Variants in LARP4B observed in about 807,000 individuals in gnomAD.
The protein encoded by LARP4B is la-related protein 4B.
LARP4B carries 12 observed loss-of-function variants against 89.8 expected under a neutral mutation model. The observed-to-expected ratio is 0.13, with a 90% CI of 0.09 to 0.22. The LOEUF (loss-of-function observed/expected upper bound fraction) is 0.22, where lower values mean the gene tolerates loss of function less well. LARP4B is among the 10% of genes least tolerant of loss of function. The probability of loss-of-function intolerance (pLI) is 1.00; values close to 1 mark genes in which losing one functional copy is unlikely to be tolerated. For missense variants in LARP4B, 757 were observed against 947.7 expected (o/e 0.80, Z 2.64); for synonymous variants, 367 against 363.3 (o/e 1.01, Z -0.12).
At chr10:813,335 G>GT in intron 17 of LARP4B, 122 bp from the exon 18 acceptor site, 2 of 971,682 alleles carry the variant, frequency 2.1e-6, no homozygotes, top group Non-Finnish European at 3.0e-6. Flanking sequence ...CTTCACTAGT[G>GT]TTTTTAACTT....
intron 1 of LARP4B, among the ~76,000 whole-genome samples, chr10:915,271 C>A (rs1251503499): frequency 6.6e-6 from 1 of 152,036 alleles, no homozygotes; most frequent in Non-Finnish European, 1.5e-5. Context: ...GGCAACAGAG[C>A]AGACCCTGTC....
At chr10:988,311 C>G in the LARP4B span, 2 of 629,148 alleles carry the variant, frequency 3.2e-6, no homozygotes, top group Non-Finnish European at 2.9e-6. Flanking sequence ...GACCTCCAAG[C>G]CGGGCGGGTG....
intron 1 of LARP4B, among the ~76,000 whole-genome samples, chr10:916,809 A>C (rs1458542165): frequency 6.6e-6 from 1 of 152,114 alleles, no homozygotes; most frequent in Non-Finnish European, 1.5e-5. Context: ...TGATCCTCCC[A>C]CCTCAGCCTC....
rs775163797 is a variant in LARP4B at position 814,862 on chromosome 10, C to T, written c.1821-12G>A. On this transcript the variant is annotated splice_polypyrimidine_tract_variant and intron_variant, in intron 16 of 17. Coordinates refer to ENST00000316157, the MANE Select transcript of LARP4B (RefSeq NM_015155.3). The surrounding 1 kb of genome is among the most constrained non-coding windows in gnomAD (Gnocchi z 4.4). ...CCACCTTGGGATCACTGTAAAAATG[C>T]CACCCGATATTTGAATCTCATGCAA... 1.6e-5 allele frequency: 25 copies of T among 1,584,500 alleles called. No homozygotes were observed. The highest frequency in any genetic ancestry group is 3.4e-5 in the Admixed American group (2 of 58,420).
chr10:856,312 A>T (rs34847097), intron 5 of LARP4B, among the ~76,000 whole-genome samples: 25,150 of 152,256 alleles, frequency 0.17, 2,240 homozygotes, highest in Non-Finnish European at 0.19. Context: ...ACAAACAGGC[A>T]CAACACCAAA....
At chr10:980,251 T>G in the LARP4B span, among the ~76,000 whole-genome samples, 2 of 152,200 alleles carry the variant, frequency 1.3e-5, no homozygotes, top group African/African-American at 4.8e-5. Flanking sequence ...AGTTGAATGC[T>G]TGTGGCTTTT....
At chr10:878,006 G>C (rs993307018) in intron 3 of LARP4B, among the ~76,000 whole-genome samples, 2 of 152,344 alleles carry the variant, frequency 1.3e-5, no homozygotes, top group Non-Finnish European at 2.9e-5. Flanking sequence ...GGCCGAGACT[G>C]AGAAAGGTAA....
intron 1 of LARP4B, among the ~76,000 whole-genome samples, chr10:927,039 C>CAA (rs780081413): frequency 3.1e-4 from 30 of 98,276 alleles, no homozygotes; most frequent in South Asian, 6.2e-4. Context: ...GACTCGGTCT[C>CAA]AAAAAAAAAA....
chr10:873,556 T>G, intron 3 of LARP4B: 1 of 315,768 alleles, frequency 3.2e-6, no homozygotes, highest in Non-Finnish European at 4.6e-6. Context: ...ATAAAATAGT[T>G]CATAAATTCC....
At chr10:841,045 T>G (rs559235768) in intron 7 of LARP4B, among the ~76,000 whole-genome samples, 3 of 152,278 alleles carry the variant, frequency 2.0e-5, no homozygotes, top group Non-Finnish European at 2.9e-5. Flanking sequence ...GCCCAGCTAC[T>G]TGGGAGGCTG....
Position 814,732 on chromosome 10 carries a change from A to G in LARP4B, c.1929+10T>C. 1 of 1,582,536 alleles carries G rather than the reference A, an allele frequency of 6.3e-7. No homozygotes were observed. The highest frequency in any genetic ancestry group is 8.6e-7 in the Non-Finnish European group (1 of 1,163,726). ...GCTGTCGTGCAGGAAGGCAGGCACGAGGTACGTACCGTGGCGGCTCCGTTC... is the reference window on the plus strand; with the variant it reads ...GCTGTCGTGCAGGAAGGCAGGCACGGGGTACGTACCGTGGCGGCTCCGTTC... On this transcript the variant is annotated intron_variant, in intron 17 of 17. Transcript: ENST00000316157. The surrounding 1 kb of genome is among the most constrained non-coding windows in gnomAD (Gnocchi z 4.4).
At chr10:924,314 C>A (rs1262730196) in intron 1 of LARP4B, 2 of 152,170 alleles carry the variant, frequency 1.3e-5, no homozygotes, top group African/African-American at 4.8e-5. Context: ...TGGCTGGTCT[C>A]ATTTAGACTG....
chr10:869,230 G>C (rs1835068148), intron 3 of LARP4B, among the ~76,000 whole-genome samples: 1 of 152,152 alleles, frequency 6.6e-6, no homozygotes, highest in African/African-American at 2.4e-5. Flanking sequence ...ATATAAGGAA[G>C]CACAGATTTT....
chr10:959,426 TCAATCCACCTCCC>T, the LARP4B span, among the ~76,000 whole-genome samples: 1 of 73,596 alleles, frequency 1.4e-5, no homozygotes, highest in African/African-American at 5.2e-5. Flanking sequence ...CACCTCCCCG[TCAATCCACCTCCC>T]CATCAATCCA....
the LARP4B span, among the ~76,000 whole-genome samples, chr10:951,039 TTTC>T: frequency 1.3e-5 from 2 of 152,070 alleles, no homozygotes; most frequent in African/African-American, 4.8e-5. Flanking sequence ...TCTCTCTCTC[TTTC>T]TTCTTTTCCC....
At chr10:860,923 G>A (rs760619656) in intron 5 of LARP4B, among the ~76,000 whole-genome samples, 2 of 152,166 alleles carry the variant, frequency 1.3e-5, no homozygotes, top group Non-Finnish European at 2.9e-5. Flanking sequence ...TTGGGAGGCC[G>A]AGGTGGGCGG....
At position 809,666 on chromosome 10, in the gene LARP4B, C is replaced by T. The variant is rs1395896275; in HGVS notation, c.*3260G>A. ...GTTTACATGTAAGCTTGATTCCAGT[C>T]TTAATGAAGCAGAACAAAAACGAAA... On this transcript the variant is annotated 3_prime_UTR_variant, in exon 18 of 18. Transcript: ENST00000316157. 1 of 152,632 alleles carries T rather than the reference C, an allele frequency of 6.6e-6. No homozygotes were observed. Among genetic ancestry groups the T allele is most frequent in the Non-Finnish European group, 1.5e-5 (1 of 68,040 alleles). The allele number at this position is 152,632 out of a possible 1,614,324, so 9.5% of individuals were successfully genotyped here.
the LARP4B span, among the ~76,000 whole-genome samples, chr10:969,208 G>C: frequency 6.6e-6 from 1 of 152,138 alleles, no homozygotes; most frequent in African/African-American, 2.4e-5. Context: ...GGGAAAAAAT[G>C]GTTCCTTTTA....
chr10:829,841 G>T (rs1832806734), intron 9 of LARP4B, 107 bp from the exon 10 acceptor site: 2 of 769,848 alleles, frequency 2.6e-6, no homozygotes, highest in Non-Finnish European at 2.2e-6. Flanking sequence ...TTAAATTATG[G>T]TGAACAGAAC....
Sources: allele counts gnomAD v4.1 joint callset (sites outside exome capture counted in the v4.1 genomes callset), GRCh38; gene constraint gnomAD v4.1.1; non-coding constraint Gnocchi (gnomAD v3.1); transcripts MANE v1.5; gene names NCBI Gene and HGNC (gene_info 2026-07-23, HGNC 2026-07-21).